SLC26A3: variants seen among roughly 807,000 people sequenced by gnomAD.
SLC26A3 encodes the protein chloride anion exchanger.
A neutral mutation model predicts 85.6 loss-of-function variants in SLC26A3; 64 were observed. That is an observed-to-expected ratio of 0.75 (90% CI 0.61 to 0.92). The LOEUF is 0.92. SLC26A3 is among the 40% of genes least tolerant of loss of function. The probability of loss-of-function intolerance (pLI) is 0.00; values close to 1 mark genes in which losing one functional copy is unlikely to be tolerated. For missense variants in SLC26A3, 922 were observed against 927.3 expected (o/e 0.99, Z 0.07); for synonymous variants, 349 against 336.0 (o/e 1.04, Z -0.42).
At position 107,782,999 on chromosome 7, in the gene SLC26A3, C is replaced by G. The variant is rs199638708; in HGVS notation, c.1214G>C (p.Ser405Thr). 3.7e-6 allele frequency: 6 copies of G among 1,614,058 alleles called. No homozygotes were observed. The highest frequency in any genetic ancestry group is 8.5e-7 in the Non-Finnish European group (1 of 1,180,006). ...TALSRSAVQE[S>T]TGGKTQIAGL... ...ACATACCTGTGTTTTGCCTCCTGTG[C>G]TCTCCTGAACTGCTGATCTGGAGAG... Residue 405 changes from serine (S) to threonine (T), a missense_variant, in exon 10 of 21, where the codon AGC becomes ACC. Transcript: ENST00000340010.
intron 6 of SLC26A3, among the ~76,000 whole-genome samples, chr7:107,788,784 C>CTTTTTTTTTT (rs71861759): frequency 1.9e-5 from 2 of 108,058 alleles, no homozygotes; most frequent in African/African-American, 3.5e-5. Flanking sequence ...TTTTTCTTTT[C>CTTTTTTTTTT]TTTTTTTTTT....
At chr7:107,801,214 A>G (rs1442560541) in intron 1 of SLC26A3, among the ~76,000 whole-genome samples, 1 of 152,256 alleles carries the variant, frequency 6.6e-6, no homozygotes, top group Non-Finnish European at 1.5e-5. Context: ...TCCCAGAGCC[A>G]GGATGAGAAG....
intron 3 of SLC26A3, among the ~76,000 whole-genome samples, chr7:107,792,620 T>C (rs966190215): frequency 1.3e-5 from 2 of 152,104 alleles, no homozygotes; most frequent in African/African-American, 4.8e-5. Context: ...CTTCATTTGC[T>C]CACCTGCCAC....
chr7:107,767,673 T>C, intron 19 of SLC26A3, 29 bp from the exon 20 acceptor site: 1 of 1,603,700 alleles, frequency 6.2e-7, no homozygotes, highest in Non-Finnish European at 8.5e-7. Flanking sequence ...AAATATGGAT[T>C]AGGGGCTGAT....
rs185128281 is a variant in SLC26A3, at chr7:107,788,815, G to A, written c.735+709C>T. Among the ~76,000 whole-genome samples the A allele has an allele frequency of 6.0e-3, 690 of 115,212 alleles. 4 individuals are homozygous for A. The highest frequency in any genetic ancestry group is 0.021 in the Middle Eastern group (3 of 142). The allele number at this position is 115,212 out of a possible 152,430, so 75.6% of individuals were successfully genotyped here. A position where few individuals can be genotyped will look rare whatever the true frequency, so the allele number is the denominator to read the frequency against. ...TTTTTTTTTTTTGAGACTATGTCTC[G>A]CTCTGTTGCCCAGGCTGGAGTGCAG... is the stretch of plus-strand genomic sequence containing the variant. On this transcript the variant is annotated intron_variant, in intron 6 of 20. Coordinates refer to ENST00000340010, the MANE Select transcript of SLC26A3 (RefSeq NM_000111.3).
At chr7:107,770,828 T>C (rs536175015) in intron 18 of SLC26A3, among the ~76,000 whole-genome samples, 1 of 152,204 alleles carries the variant, frequency 6.6e-6, no homozygotes, top group South Asian at 2.1e-4. Context: ...AGAGATATAG[T>C]CTAGTAGGGA....
Position 107,776,647 on chromosome 7 carries a change from T to A in SLC26A3, c.1574A>T (p.Asp525Val), listed in dbSNP as rs756326040. 1.9e-6 allele frequency: 3 copies of A among 1,613,526 alleles called. No homozygotes were observed. In the South Asian group the frequency reaches 3.3e-5, roughly 18 times the overall value. Residue 525 changes from aspartate to valine, a missense_variant, in exon 14 of 21, where the codon GAT (aspartate) becomes GTT (valine). Asp to Val is a radical substitution (Grantham distance 152). Transcript: ENST00000340010. ...ATGAATCTCCCTTACATCATAATAA[T>A]CTTTTTTATTCTTATAGATGTTGGT... is the stretch of plus-strand genomic sequence containing the variant. ...GRTNIYKNKK[D>V]YYDMYEPEGV...
intron 4 of SLC26A3, among the ~76,000 whole-genome samples, chr7:107,791,477 T>A (rs958312958): frequency 5.9e-5 from 9 of 152,134 alleles, no homozygotes; most frequent in African/African-American, 2.2e-4. Context: ...TCAGGCGTGA[T>A]GGTGCATGCC....
intron 8 of SLC26A3, 50 bp from the exon 9 acceptor site, chr7:107,783,402 T>C (rs763443241): frequency 9.4e-6 from 15 of 1,602,772 alleles, no homozygotes; most frequent in Non-Finnish European, 1.2e-5. Flanking sequence ...ATTTATAAAC[T>C]GATATAACCA....
intron 20 of SLC26A3, among the ~76,000 whole-genome samples, chr7:107,767,134 C>T (rs1793929425): frequency 6.6e-6 from 1 of 152,054 alleles, no homozygotes; most frequent in Admixed American, 6.6e-5. Flanking sequence ...AGGATAGAAA[C>T]TTGTTTCATT....
intron 1 of SLC26A3, among the ~76,000 whole-genome samples, chr7:107,802,742 C>CTTTTTTTTTTTTTTTTT (rs35087147): frequency 9.0e-6 from 1 of 110,774 alleles, no homozygotes; most frequent in African/African-American, 3.5e-5. Context: ...TTAAAGCTTG[C>CTTTTTTTTTTTTTTTTT]TTTTTTTTTT....
intron 8 of SLC26A3, 52 bp downstream of exon 8, chr7:107,786,775 T>G (rs895357496): frequency 2.7e-5 from 39 of 1,451,576 alleles, no homozygotes; most frequent in Non-Finnish European, 8.7e-6. Context: ...CTGTCACTAC[T>G]GCTAACTCTC....
intron 1 of SLC26A3, among the ~76,000 whole-genome samples, chr7:107,800,297 C>G (rs571114381): frequency 6.6e-6 from 1 of 152,282 alleles, no homozygotes; most frequent in African/African-American, 2.4e-5. Flanking sequence ...GAGTTCAAGA[C>G]CAGCCTGGCC....
In SLC26A3 at chr7:107,797,409, G is replaced by A. The variant is rs1794525296; in HGVS notation, c.-88-2812C>T. Among the ~76,000 whole-genome samples, 3 of 152,104 alleles carry A rather than the reference G, an allele frequency of 2.0e-5. No individual in the cohort carries two copies. In the South Asian group the frequency reaches 6.2e-4, roughly 32 times the overall value. On this transcript the variant is annotated intron_variant, in intron 1 of 20. Coordinates refer to ENST00000340010, the MANE Select transcript of SLC26A3 (RefSeq NM_000111.3). The stretch of plus-strand genomic sequence containing the variant: ...CTCGGGAGGCTGAGACAGGAGAATT[G>A]CTTGAACCCGGGAGGCAGAGGTTGC...
intron 3 of SLC26A3, 74 bp downstream of exon 3, chr7:107,793,668 G>A (rs930634538): frequency 2.8e-5 from 33 of 1,187,756 alleles, no homozygotes; most frequent in South Asian, 1.4e-4. Flanking sequence ...GTGAATATAC[G>A]AAAAGTCCCT....
Position 107,789,522 on chromosome 7 carries a change from AC to A in SLC26A3, c.735+1del. ...TATTTTTTAGGTGAAAGAAATACTT[AC>A]TTTGAAAATTGAAACTGGATCAGTG... On this transcript the variant is annotated splice_donor_variant, in intron 6 of 20. Transcript: ENST00000340010. LOFTEE classifies it high-confidence loss of function. The A allele has an allele frequency of 6.2e-7, 1 of 1,613,506 alleles. No homozygotes were observed. The highest frequency in any genetic ancestry group is 8.5e-7 in the Non-Finnish European group (1 of 1,179,486).
At position 107,782,799 on chromosome 7, in the gene SLC26A3, T is replaced by C; in HGVS notation, c.1309A>G (p.Lys437Glu). 1.2e-6 allele frequency: 2 copies of C among 1,613,820 alleles called. No individual in the cohort carries two copies. Among genetic ancestry groups the C allele is most frequent in the Non-Finnish European group, 1.7e-6 (2 of 1,179,748 alleles). The change falls in exon 11 of 21, where the codon AAG (lysine) becomes GAG (glutamate). Residue 437 changes from lysine to glutamate, a missense_variant and splice_region_variant. Transcript: ENST00000340010. ...ATGCTATCCAAAGACAGTGTTACCT[T>C]TTGTAGAGGCGCCAGGAGAAATCCA... ...AIGFLLAPLQ[K>E]SVLAALALGN...
chr7:107,790,897 A>G, intron 5 of SLC26A3, 151 bp downstream of exon 5: 2 of 815,368 alleles, frequency 2.5e-6, no homozygotes, highest in Non-Finnish European at 4.1e-6. Context: ...GTGGTGAGTG[A>G]CCCTTCGTAC....
chr7:107,778,907 C>A (rs1479076891), intron 12 of SLC26A3, among the ~76,000 whole-genome samples: 2 of 152,012 alleles, frequency 1.3e-5, no homozygotes, highest in African/African-American at 4.8e-5. Flanking sequence ...AGAGGGATTG[C>A]CTGAGCCCAG....
Sources: allele counts gnomAD v4.1 joint callset (sites outside exome capture counted in the v4.1 genomes callset), GRCh38; gene constraint gnomAD v4.1.1; transcripts MANE v1.5; gene names NCBI Gene and HGNC (gene_info 2026-07-23, HGNC 2026-07-21).